Variants in NCAM2 observed in about 807,000 individuals in gnomAD.
The protein encoded by NCAM2 is N-CAM-2.
NCAM2 carries 30 observed loss-of-function variants against 98.1 expected under a neutral mutation model. That is an observed-to-expected ratio of 0.31 (90% CI 0.23 to 0.41). The LOEUF is 0.41. Among genes scored for constraint, NCAM2 ranks in the 10% least tolerant of loss-of-function variants. The pLI, the probability that NCAM2 is intolerant of heterozygous loss-of-function variation, is 1.00. For missense variants in NCAM2, 867 were observed against 1,005.8 expected (o/e 0.86, Z 1.87); for synonymous variants, 368 against 342.4 (o/e 1.07, Z -0.83).
At chr21:21,099,511 G>A (rs763908013) in intron 1 of NCAM2, among the ~76,000 whole-genome samples, 2 of 151,758 alleles carry the variant, frequency 1.3e-5, no homozygotes, top group Non-Finnish European at 2.9e-5. Flanking sequence ...AAGGGTGGAG[G>A]GAAGCTCCTT....
chr21:21,066,785 A>G (rs1192461480), intron 1 of NCAM2, among the ~76,000 whole-genome samples: 3 of 152,090 alleles, frequency 2.0e-5, no homozygotes, highest in African/African-American at 7.2e-5. Context: ...AAATTTGTTT[A>G]CAGGTGTTTA....
intron 5 of NCAM2, among the ~76,000 whole-genome samples, chr21:21,307,212 C>A (rs896103836): frequency 4.7e-4 from 71 of 151,878 alleles, no homozygotes; most frequent in African/African-American, 1.7e-3. Flanking sequence ...TCTTCTGTTT[C>A]TTCATTTTTG....
intron 1 of NCAM2, among the ~76,000 whole-genome samples, chr21:21,099,553 C>A (rs145727449): frequency 6.6e-6 from 1 of 151,974 alleles, no homozygotes; most frequent in Non-Finnish European, 1.5e-5. Context: ...AAAACTCACT[C>A]ACTATCATGA....
intron 1 of NCAM2, among the ~76,000 whole-genome samples, chr21:21,013,672 T>C (rs953232079): frequency 1.3e-5 from 2 of 151,882 alleles, no homozygotes; most frequent in Admixed American, 6.6e-5. Flanking sequence ...TCCCAGCTAC[T>C]TGGGAGGCTG....
At chr21:21,280,471 G>T in intron 1 of NCAM2, 107 bp from the exon 2 acceptor site, 3 of 670,782 alleles carry the variant, frequency 4.5e-6, no homozygotes, top group South Asian at 2.0e-5. Context: ...ATAAAAAATT[G>T]GGGGGAAATA....
At chr21:21,242,819 A>G (rs1002955289) in intron 1 of NCAM2, among the ~76,000 whole-genome samples, 2 of 152,088 alleles carry the variant, frequency 1.3e-5, no homozygotes, top group African/African-American at 4.8e-5. Context: ...CATGTTATCC[A>G]TTTCTTTGTT....
At chr21:21,147,867 A>T (rs1177125721) in intron 1 of NCAM2, among the ~76,000 whole-genome samples, 1 of 150,960 alleles carries the variant, frequency 6.6e-6, no homozygotes, top group Non-Finnish European at 1.5e-5. Flanking sequence ...AATTAGGATA[A>T]TTTTTCATTC....
intron 1 of NCAM2, among the ~76,000 whole-genome samples, chr21:21,042,453 G>T (rs1424085481): frequency 6.6e-6 from 1 of 152,094 alleles, no homozygotes; most frequent in Non-Finnish European, 1.5e-5. Context: ...CAAAGTGCTG[G>T]GATTACAGGT....
In NCAM2 at chr21:21,110,511, C is replaced by A. The variant is rs530578361; in HGVS notation, c.55+111893C>A. Reference sequence around the variant, plus strand: ...ACTGGGGACTCTACATATAAAGATACAATTTCCTCTGTGTTTAATAAAGTC... The same window carrying A: ...ACTGGGGACTCTACATATAAAGATAAAATTTCCTCTGTGTTTAATAAAGTC... On this transcript the variant is annotated intron_variant, in intron 1 of 17. Transcript: ENST00000400546. Among the ~76,000 whole-genome samples, 36 of 151,774 alleles carry A rather than the reference C, an allele frequency of 2.4e-4. 1 individual carries two copies. In the South Asian group the frequency reaches 7.1e-3, roughly 30 times the overall value.
At chr21:21,146,422 A>G (rs923578608) in intron 1 of NCAM2, among the ~76,000 whole-genome samples, 7 of 151,504 alleles carry the variant, frequency 4.6e-5, no homozygotes, top group African/African-American at 1.7e-4. Flanking sequence ...TAAATAATCT[A>G]TAGGGACTGA....
rs371618690 is a variant in NCAM2, at chr21:21,338,475, A to G, written c.985A>G (p.Ile329Val). 7 of 1,612,798 alleles carry G rather than the reference A, an allele frequency of 4.3e-6. No individual in the cohort carries two copies. The African/African-American group carries it at 9.3e-5, about 22-fold the overall frequency. Residue 329 changes from isoleucine (I) to valine (V), a missense_variant, in exon 8 of 18, where the codon ATT (isoleucine) becomes GTT (valine). Physicochemically the swap from Ile to Val is conservative, Grantham distance 29 (BLOSUM62 3). Around this residue, in one of 5 missense-constraint regions of NCAM2, gnomAD observed 447 missense variants for 495.7 expected, o/e 0.90. Coordinates refer to ENST00000400546, the MANE Select transcript of NCAM2 (RefSeq NM_004540.5). ...TLVCDAEGEP[I>V]PEITWKRAVD... ...CGTATGTGATGCGGAAGGGGAGCCT[A>G]TTCCAGAAATCACTTGGAAAAGAGC...
rs1406622061 is a variant in NCAM2, at chr21:21,286,390, G to A, written c.459G>A (p.Glu153=). The change falls in exon 4 of 18, where the codon GAG becomes GAA. Residue 153 remains glutamate (E), a synonymous_variant. Coordinates refer to ENST00000400546, the MANE Select transcript of NCAM2 (RefSeq NM_004540.5). The stretch of plus-strand genomic sequence containing the variant: ...CTGTCAGCTGGTTGTATCATAATGA[G>A]GAAGTCACCACTATTTCCGACAGTT... ...APAVSWLYHN[E]EVTTISDNRF... 1 of 1,612,128 alleles carries A rather than the reference G, an allele frequency of 6.2e-7. No individual in the cohort carries two copies.
chr21:21,517,790 G>A (rs908809349), intron 16 of NCAM2, among the ~76,000 whole-genome samples: 8 of 152,086 alleles, frequency 5.3e-5, no homozygotes, highest in Admixed American at 6.6e-5. Context: ...CCTGGGGAAC[G>A]AAGATGGCAC....
At chr21:21,221,397 G>A (rs2070148087) in intron 1 of NCAM2, among the ~76,000 whole-genome samples, 1 of 108 alleles carries the variant, frequency 9.3e-3, no homozygotes, top group African/African-American at 0.036. Context: ...AAAAAGACAA[G>A]ATAGGGCTGA....
chr21:21,264,980 T>TATATACACATACACATATATAA, intron 1 of NCAM2, among the ~76,000 whole-genome samples: 1 of 12,048 alleles, frequency 8.3e-5, no homozygotes, highest in Non-Finnish European at 1.9e-4. Context: ...CACATATATA[T>TATATACACATACACATATATAA]TATATATGTG....
intron 12 of NCAM2, among the ~76,000 whole-genome samples, chr21:21,453,260 A>T: frequency 6.6e-6 from 1 of 151,266 alleles, no homozygotes; most frequent in East Asian, 1.9e-4. Flanking sequence ...GACTAATTTT[A>T]TAAAGAGGAG....
In NCAM2 at chr21:21,265,029, G is replaced by GTATATATATACACATATATTA. The variant is rs1568855374; in HGVS notation, c.56-15548_56-15547insATATATATACACATATATTAT. ...ACACATATATATTATATATGTGTCT[G>GTATATATATACACATATATTA]TGTATATATGTACACATATATACTA... On this transcript the variant is annotated intron_variant, in intron 1 of 17. Transcript: ENST00000400546. 3.9e-3 allele frequency among the ~76,000 whole-genome samples: 7 copies of GTATATATATACACATATATTA among 1,810 alleles called. 2 individuals carry two copies. Among genetic ancestry groups the GTATATATATACACATATATTA allele is most frequent in the Admixed American group, 0.013 (2 of 160 alleles). 1.2% of individuals were successfully genotyped at this position (1,810 alleles called of 152,430 possible).
chr21:21,102,695 A>G (rs1157012340), intron 1 of NCAM2, among the ~76,000 whole-genome samples: 1 of 151,964 alleles, frequency 6.6e-6, no homozygotes, highest in Admixed American at 6.6e-5. Context: ...GCTCAGTTAT[A>G]AAAAATCCAG....
intron 12 of NCAM2, among the ~76,000 whole-genome samples, chr21:21,453,665 G>T (rs1026061154): frequency 6.6e-6 from 1 of 152,012 alleles, no homozygotes; most frequent in African/African-American, 2.4e-5. Flanking sequence ...AAAAGTAAAA[G>T]TTACCTTCTG....
Sources: allele counts gnomAD v4.1 joint callset (sites outside exome capture counted in the v4.1 genomes callset), GRCh38; gene constraint gnomAD v4.1.1; regional missense constraint gnomAD v4.1.1; transcripts MANE v1.5; gene names NCBI Gene and HGNC (gene_info 2026-07-23, HGNC 2026-07-21).